The following NIPBL variants were observed in gnomAD, a reference collection of about 807,000 sequenced individuals.
The protein encoded by NIPBL is nipped-B-like protein.
A neutral mutation model predicts 321.8 loss-of-function variants in NIPBL; 19 were observed. The observed-to-expected ratio is 0.06, with a 90% confidence interval of 0.04 to 0.09. NIPBL has a LOEUF of 0.09. NIPBL is among the 10% of genes least tolerant of loss of function. The pLI is 1.00. For missense variants in NIPBL, 2,210 were observed against 3,327.0 expected (o/e 0.66, Z 8.26); for synonymous variants, 1,106 against 1,114.1 (o/e 0.99, Z 0.14).
intron 43 of NIPBL, among the ~76,000 whole-genome samples, chr5:37,058,484 T>C (rs1033899240): frequency 6.6e-6 from 1 of 152,242 alleles, no homozygotes; most frequent in Non-Finnish European, 1.5e-5. Context: ...CGAAATGTTC[T>C]TGAAAAGGAG....
chr5:37,057,257 G>A lies in NIPBL; in HGVS notation c.7335G>A (p.Glu2445=). 6.2e-7 allele frequency: 1 copy of A among 1,613,834 alleles called. No homozygotes were observed. Among genetic ancestry groups the A allele is most frequent in the Non-Finnish European group, 8.5e-7 (1 of 1,179,818 alleles). Residue 2445 remains glutamate, a synonymous_variant, in exon 43 of 47, where the codon GAG becomes GAA. Coordinates refer to ENST00000282516, the MANE Select transcript of NIPBL (RefSeq NM_133433.4). ...GTTTTCCATACCAGACACAGGAAGA[G>A]CCGTTGTTTATAATGCATCATATAG... is the stretch of plus-strand genomic sequence containing the variant. ...LACFPYQTQE[E]PLFIMHHIDI... is the part of the protein sequence containing the mutation.
chr5:37,005,832 A>C (rs1747366843), intron 16 of NIPBL, among the ~76,000 whole-genome samples: 1 of 152,188 alleles, frequency 6.6e-6, no homozygotes. Context: ...ATTTAAAAAA[A>C]GTCTTCATTA....
At chr5:37,011,992 T>C (rs1748184212) in intron 21 of NIPBL, among the ~76,000 whole-genome samples, 2 of 152,058 alleles carry the variant, frequency 1.3e-5, no homozygotes, top group Admixed American at 6.5e-5. Context: ...CCCTACTTCT[T>C]ACTTAAAATT....
rs1231029059 is a variant in NIPBL at position 37,010,116 on chromosome 5, C to G, written c.4451C>G (p.Pro1484Arg). ...RLNSSDMDGE[P>R]MYIQMVTALV... ...AACAGTAGTGATATGGATGGAGAAC[C>G]TATGTATATTCAGATGGTTACAGCA... The change falls in exon 21 of 47, where the codon CCT becomes CGT. Residue 1484 changes from proline to arginine, a missense_variant. By Grantham distance (103) the Pro-to-Arg change is moderately radical. Around this residue, in one of 14 missense-constraint regions of NIPBL, gnomAD observed 381 missense variants for 642.3 expected, o/e 0.59. Coordinates refer to ENST00000282516, the MANE Select transcript of NIPBL (RefSeq NM_133433.4). 1.2e-6 allele frequency: 2 copies of G among 1,612,180 alleles called. No individual in the cohort carries two copies. The highest frequency in any genetic ancestry group is 4.5e-5 in the East Asian group (2 of 44,742).
At chr5:37,051,551 GTTTAAAT>G in intron 40 of NIPBL, 1 of 558,890 alleles carries the variant, frequency 1.8e-6, no homozygotes, top group East Asian at 3.1e-5. Flanking sequence ...CAATGAAATT[GTTTAAAT>G]TTTATCACGT....
In NIPBL at chr5:37,018,682, G is replaced by A. The variant is rs548147852; in HGVS notation, c.4921-629G>A. Among the ~76,000 whole-genome samples the A allele has an allele frequency of 8.5e-5, 13 of 152,216 alleles. No individual in the cohort carries two copies. The South Asian group carries it at 2.1e-3, about 24-fold the overall frequency. On this transcript the variant is annotated intron_variant, in intron 24 of 46. Transcript: ENST00000282516. ...GATTATACATTGTGCAGCTCAAGGG[G>A]AAGGATCATTTGTAAATTTTTATGG... is the stretch of plus-strand genomic sequence containing the variant.
In NIPBL at chr5:37,020,629, T is replaced by C. The variant is rs1749514450; in HGVS notation, c.5181T>C (p.Leu1727=). 1 of 1,614,126 alleles carries C rather than the reference T, an allele frequency of 6.2e-7. No homozygotes were observed. The highest frequency in any genetic ancestry group is 8.5e-7 in the Non-Finnish European group (1 of 1,180,026). ...GAGCTGAAAACCGAAAAAAGTTTCT[T>C]AGAAGCATTATCAAAACCACACCTT... ...MHRAENRKKF[L]RSIIKTTPSQ... The change falls in exon 26 of 47, where the codon CTT becomes CTC. Residue 1727 remains leucine (L), a synonymous_variant. Transcript: ENST00000282516.
chr5:36,890,612 T>C (rs1393318794), intron 1 of NIPBL, among the ~76,000 whole-genome samples: 1 of 152,232 alleles, frequency 6.6e-6, no homozygotes, highest in African/African-American at 2.4e-5. Flanking sequence ...ATAGTAAAAT[T>C]AGCATGGGAT....
chr5:36,989,780 A>G (rs2149652649), intron 10 of NIPBL, among the ~76,000 whole-genome samples: 1 of 147,944 alleles, frequency 6.8e-6, no homozygotes, highest in East Asian at 2.0e-4. Context: ...AGGAGATTAC[A>G]GTGAGCTGAG....
At chr5:36,990,181 T>G (rs1046773980) in intron 10 of NIPBL, among the ~76,000 whole-genome samples, 1 of 152,226 alleles carries the variant, frequency 6.6e-6, no homozygotes, top group African/African-American at 2.4e-5. Context: ...GCAGCTTTAA[T>G]AGTCAATAGC....
At chr5:36,941,427 T>TA (rs1160249382) in intron 1 of NIPBL, among the ~76,000 whole-genome samples, 3 of 148,452 alleles carry the variant, frequency 2.0e-5, no homozygotes, top group Non-Finnish European at 4.5e-5. Flanking sequence ...TTAGGTACTT[T>TA]AAAAAAAATC....
chr5:36,938,261 G>A lies in NIPBL; in HGVS notation c.-79-15357G>A, dbSNP rs1405670187. Among the ~76,000 whole-genome samples, 3 of 151,982 alleles carry A rather than the reference G, an allele frequency of 2.0e-5. No homozygotes were observed. The East Asian group carries it at 5.8e-4, about 29-fold the overall frequency. ...AGAGACTGTAGTTTTAGGCCAGTAC[G>A]TATTGAAGTATTTAGGGGAATGAAC... On this transcript the variant is annotated intron_variant, in intron 1 of 46. Transcript: ENST00000282516.
In NIPBL at chr5:36,975,868, A is replaced by C. The variant is rs138720101; in HGVS notation, c.961A>C (p.Arg321=). The change falls in exon 9 of 47, where the codon AGA becomes CGA. Residue 321 remains arginine (R), a synonymous_variant. Transcript: ENST00000282516. ...PPDILLDSPE[R]KQKKQKKMKL... ...AGATATCTTGCTAGATTCTCCAGAAAGAAAACAAAAGAAGCAGAAGAAAAT... is the reference window on the plus strand; with the variant it reads ...AGATATCTTGCTAGATTCTCCAGAACGAAAACAAAAGAAGCAGAAGAAAAT... 5.5e-5 allele frequency: 88 copies of C among 1,612,038 alleles called. No homozygotes were observed. The African/African-American group carries it at 1.1e-3, about 21-fold the overall frequency.
intron 3 of NIPBL, 88 bp from the exon 4 acceptor site, chr5:36,958,016 C>A: frequency 7.7e-7 from 1 of 1,305,410 alleles, no homozygotes; most frequent in Non-Finnish European, 1.1e-6. Flanking sequence ...TATTGTTGGC[C>A]ATACCAGTGT....
intron 4 of NIPBL, among the ~76,000 whole-genome samples, chr5:36,959,079 C>T (rs1463945480): frequency 1.3e-5 from 2 of 151,990 alleles, no homozygotes; most frequent in Admixed American, 6.6e-5. Flanking sequence ...TTATGGTGTG[C>T]GCCTGTAGTC....
At chr5:37,032,506 G>T (rs1193165251) in intron 32 of NIPBL, among the ~76,000 whole-genome samples, 2 of 150,738 alleles carry the variant, frequency 1.3e-5, no homozygotes, top group African/African-American at 2.4e-5. Flanking sequence ...TCAGTAGCTT[G>T]CACCCAGAAT....
In NIPBL at chr5:37,020,868, T is replaced by C; in HGVS notation, c.5319T>C (p.Tyr1773=). The C allele has an allele frequency of 6.2e-7, 1 of 1,609,042 alleles. No homozygotes were observed. The highest frequency in any genetic ancestry group is 8.5e-7 in the Non-Finnish European group (1 of 1,175,368). Residue 1773 remains tyrosine, a synonymous_variant, in exon 27 of 47, where the codon TAT becomes TAC. Coordinates refer to ENST00000282516, the MANE Select transcript of NIPBL (RefSeq NM_133433.4). ...MRPFAQSFDI[Y]LTQILRVLGE... is the part of the protein sequence containing the mutation. ...CGTTTGCCCAGAGCTTTGATATTTA[T>C]TTGACACAGGTAAACTGGATAAGAA...
intron 1 of NIPBL, among the ~76,000 whole-genome samples, chr5:36,928,552 A>G (rs1020046522): frequency 3.9e-5 from 6 of 152,204 alleles, no homozygotes; most frequent in Non-Finnish European, 5.9e-5. Context: ...TTACTTTACA[A>G]CGTTATTGAG....
At chr5:36,952,347 T>A (rs1170152377) in intron 1 of NIPBL, among the ~76,000 whole-genome samples, 1 of 152,090 alleles carries the variant, frequency 6.6e-6, no homozygotes, top group Non-Finnish European at 1.5e-5. Context: ...AATATTTAAG[T>A]TTTTTAAACT....
Sources: allele counts gnomAD v4.1 joint callset (sites outside exome capture counted in the v4.1 genomes callset), GRCh38; gene constraint gnomAD v4.1.1; regional missense constraint gnomAD v4.1.1; transcripts MANE v1.5; gene names NCBI Gene and HGNC (gene_info 2026-07-23, HGNC 2026-07-21).